Variants in ABCA5 observed in about 807,000 individuals in gnomAD.
ABCA5 encodes cholesterol transporter ABCA5.
Under a neutral mutation model 206.0 loss-of-function variants are expected in ABCA5, and 163 were observed. The ratio of observed to expected loss-of-function variants is 0.79; its 90% confidence interval spans 0.70 to 0.90. ABCA5 has a LOEUF of 0.90. ABCA5 is among the 40% of genes least tolerant of loss of function. The pLI is 0.00. For synonymous variants in ABCA5, 609 were observed against 613.8 expected, an observed-to-expected ratio of 0.99 and a Z score of 0.11; for missense variants, 1,859 against 1,912.9, an observed-to-expected ratio of 0.97 and a Z score of 0.53.
chr17:69,268,774 A>G (rs1376228599), intron 22 of ABCA5: 1 of 152,224 alleles, frequency 6.6e-6, no homozygotes, highest in Non-Finnish European at 1.5e-5. Context: ...TGCCTAGCAG[A>G]TACCCTCGCA....
chr17:69,277,285 ATTTAAG>A (rs2075343423), intron 19 of ABCA5, among the ~76,000 whole-genome samples: 1 of 152,220 alleles, frequency 6.6e-6, no homozygotes, highest in African/African-American at 2.4e-5. Flanking sequence ...GCAAAACAAA[ATTTAAG>A]ATACAATGGG....
intron 6 of ABCA5, 34 bp from the exon 7 acceptor site, chr17:69,304,844 A>C: frequency 6.5e-7 from 1 of 1,536,638 alleles, no homozygotes; most frequent in Non-Finnish European, 8.7e-7. Flanking sequence ...TTATGGTCAA[A>C]TGCATAGGCT....
intron 23 of ABCA5, among the ~76,000 whole-genome samples, chr17:69,266,412 T>G (rs2075208942): frequency 6.6e-6 from 1 of 152,014 alleles, no homozygotes; most frequent in Non-Finnish European, 1.5e-5. Context: ...GATCTCTCTG[T>G]CATTTCTAAC....
In ABCA5 at chr17:69,290,001, A is replaced by G. The variant is rs756803106; in HGVS notation, c.1643T>C (p.Ile548Thr). The G allele has an allele frequency of 2.5e-6, 4 of 1,611,680 alleles. No homozygotes were observed. Among genetic ancestry groups the G allele is most frequent in the Non-Finnish European group, 3.4e-6 (4 of 1,179,050 alleles). ...ASIYGHRVSEIDEMFEARKMI... is the reference protein window; with the variant it reads ...ASIYGHRVSETDEMFEARKMI... The stretch of plus-strand genomic sequence containing the variant: ...TTTTCTTGCTTCAAACATTTCATCT[A>G]TTTCTGAGACTCTGTGTCCATATAT... The change falls in exon 13 of 39, where the codon ATA becomes ACA. Residue 548 changes from isoleucine to threonine, a missense_variant. Ile to Thr is a moderately conservative substitution (Grantham distance 89, BLOSUM62 -1). Coordinates refer to ENST00000392676, the MANE Select transcript of ABCA5 (RefSeq NM_172232.4).
intron 15 of ABCA5, 78 bp from the exon 16 acceptor site, chr17:69,286,389 C>G: frequency 8.1e-7 from 1 of 1,240,072 alleles, no homozygotes; most frequent in East Asian, 2.5e-5. Context: ...TATGGTTTCT[C>G]ATATGAGAGT....
intron 12 of ABCA5, among the ~76,000 whole-genome samples, chr17:69,290,264 A>G (rs1177907116): frequency 6.6e-6 from 1 of 152,174 alleles, no homozygotes; most frequent in Non-Finnish European, 1.5e-5. Context: ...TGGGAAAAGC[A>G]AGAAAGTAAA....
chr17:69,301,376 A>G, intron 8 of ABCA5, 90 bp from the exon 9 acceptor site: 2 of 1,076,128 alleles, frequency 1.9e-6, no homozygotes, highest in Admixed American at 3.2e-5. Context: ...GCATATCCAG[A>G]GTGATAGTAA....
intron 24 of ABCA5, 83 bp from the exon 25 acceptor site, chr17:69,261,831 G>A: frequency 2.0e-6 from 1 of 504,460 alleles, no homozygotes; most frequent in Non-Finnish European, 3.4e-6. Flanking sequence ...ATTAAAATAT[G>A]AAATTATTAA....
At chr17:69,307,961 G>T (rs2075735229) in intron 5 of ABCA5, among the ~76,000 whole-genome samples, 1 of 152,162 alleles carries the variant, frequency 6.6e-6, no homozygotes, top group African/African-American at 2.4e-5. Context: ...GATCCATACA[G>T]AACATGGAAG....
In ABCA5 at chr17:69,297,252, T is replaced by C. The variant is rs777990643; in HGVS notation, c.1375A>G (p.Ile459Val). 7 of 1,612,914 alleles carry C rather than the reference T, an allele frequency of 4.3e-6. No homozygotes were observed. Among genetic ancestry groups the C allele is most frequent in the Non-Finnish European group, 5.9e-6 (7 of 1,179,652 alleles). Residue 459 changes from isoleucine (I) to valine (V), a missense_variant, in exon 10 of 39, where the codon ATT becomes GTT. By Grantham distance (29) the Ile-to-Val change is conservative. Coordinates refer to ENST00000392676, the MANE Select transcript of ABCA5 (RefSeq NM_172232.4). Reference protein sequence around the residue: ...ELSEGNVNGNISFSEIIEPVS... With the variant: ...ELSEGNVNGNVSFSEIIEPVS... ...GGCTCAATAATTTCACTAAAACTAA[T>C]ATTTCCATTAACATTGCCCTCTGAT...
chr17:69,248,202 CA>C, intron 38 of ABCA5, 59 bp downstream of exon 38: 2 of 1,023,878 alleles, frequency 2.0e-6, no homozygotes, highest in Non-Finnish European at 2.9e-6. Context: ...TAAACCAAAA[CA>C]ATCGATATCA....
chr17:69,309,898 T>C (rs964713468), intron 3 of ABCA5, among the ~76,000 whole-genome samples: 8 of 152,008 alleles, frequency 5.3e-5, no homozygotes, highest in African/African-American at 1.9e-4. Context: ...AATAATAAAA[T>C]GGTACAATGT....
At chr17:69,260,857 C>A (rs1346570359) in intron 26 of ABCA5, among the ~76,000 whole-genome samples, 1 of 151,892 alleles carries the variant, frequency 6.6e-6, no homozygotes, top group Non-Finnish European at 1.5e-5. Flanking sequence ...CTCCTAAAAA[C>A]AAATACTGAC....
At chr17:69,261,076 C>A in intron 26 of ABCA5, 49 bp downstream of exon 26, 1 of 1,440,864 alleles carries the variant, frequency 6.9e-7, no homozygotes, top group Non-Finnish European at 9.3e-7. Context: ...CAAATTAGAC[C>A]ATATTTATTT....
At position 69,309,322 on chromosome 17, in the gene ABCA5, A is replaced by C; in HGVS notation, c.409T>G (p.Tyr137Asp). ...VGVVFKDSMS[Y>D]ELRFFPDMIP... ...ATATCAGGAAAAAAACGAAGTTCAT[A>C]GGACATGGAGTCTTTGAAAACCACA... Residue 137 changes from tyrosine to aspartate, a missense_variant, in exon 4 of 39, where the codon TAT becomes GAT. Transcript: ENST00000392676. The C allele has an allele frequency of 6.2e-7, 1 of 1,603,502 alleles. No homozygotes were observed. The highest frequency in any genetic ancestry group is 8.5e-7 in the Non-Finnish European group (1 of 1,177,152).
At chr17:69,296,794 G>A (rs2075587619) in intron 10 of ABCA5, among the ~76,000 whole-genome samples, 1 of 152,102 alleles carries the variant, frequency 6.6e-6, no homozygotes, top group African/African-American at 2.4e-5. Flanking sequence ...GTGAAACCCT[G>A]TCTCTACTAA....
intron 37 of ABCA5, chr17:69,248,593 T>C: frequency 4.0e-6 from 1 of 252,206 alleles, no homozygotes. Flanking sequence ...TCTTTTCATG[T>C]CTTCTTTTGA....
chr17:69,304,446 A>G, intron 7 of ABCA5: 1 of 350,946 alleles, frequency 2.8e-6, no homozygotes, highest in Non-Finnish European at 5.1e-6. Flanking sequence ...TGTGAAATAC[A>G]TCATATGACA....
rs1598194055 is a variant in ABCA5, at chr17:69,301,181, A to C, written c.1225T>G (p.Phe409Val). The C allele has an allele frequency of 1.3e-6, 2 of 1,592,616 alleles. No homozygotes were observed. Among genetic ancestry groups the C allele is most frequent in the African/African-American group, 2.7e-5 (2 of 73,534 alleles). ...AGATAGACAGCCAAGAGGACATAGAATATACTATTAAGTGTGAGCATGATA... is the reference window on the plus strand; with the variant it reads ...AGATAGACAGCCAAGAGGACATAGACTATACTATTAAGTGTGAGCATGATA... ...TIIMLTLNSIFYVLLAVYLDQ... is the reference protein window; with the variant it reads ...TIIMLTLNSIVYVLLAVYLDQ... Residue 409 changes from phenylalanine (F) to valine (V), a missense_variant, in exon 9 of 39, where the codon TTC becomes GTC. Transcript: ENST00000392676.
Sources: allele counts gnomAD v4.1 joint callset (sites outside exome capture counted in the v4.1 genomes callset), GRCh38; gene constraint gnomAD v4.1.1; transcripts MANE v1.5; gene names NCBI Gene and HGNC (gene_info 2026-07-23, HGNC 2026-07-21).